Variants in RIMS2 observed in about 807,000 individuals in gnomAD.
RIMS2 encodes the protein regulating synaptic membrane exocytosis protein 2.
RIMS2 carries 59 observed loss-of-function variants against 174.4 expected under a neutral mutation model. That is an observed-to-expected ratio of 0.34 (90% CI 0.27 to 0.42). The LOEUF (loss-of-function observed/expected upper bound fraction) is 0.42, where lower values mean the gene tolerates loss of function less well. RIMS2 is among the 10% of genes least tolerant of loss of function. The probability of loss-of-function intolerance (pLI) is 1.00; values close to 1 mark genes in which losing one functional copy is unlikely to be tolerated. For missense variants in RIMS2, 1,620 were observed against 1,666.3 expected (o/e 0.97, Z 0.48); for synonymous variants, 606 against 572.5 (o/e 1.06, Z -0.84).
In RIMS2 at chr8:104,003,338, T is replaced by G. The variant is rs139825693; in HGVS notation, c.3045-10104T>G. On this transcript the variant is annotated intron_variant, in intron 17 of 23. Coordinates refer to ENST00000504942, the Ensembl canonical transcript of RIMS2. ...AGTAATAAATATCGTATTTTAGAAT[T>G]GTTGTAACATTATTGGCAAGGCAGG... Among the ~76,000 whole-genome samples the G allele has an allele frequency of 3.0e-3, 460 of 152,196 alleles. 2 individuals carry two copies. Among genetic ancestry groups the G allele is most frequent in the African/African-American group, 8.5e-3 (352 of 41,514 alleles).
intron 2 of RIMS2, among the ~76,000 whole-genome samples, chr8:103,732,477 G>T (rs773548755): frequency 6.6e-6 from 1 of 152,112 alleles, no homozygotes; most frequent in Non-Finnish European, 1.5e-5. Context: ...AAGGCTTAAG[G>T]GCTCTACAAT....
chr8:103,766,420 G>T (rs1480154262), exon 3 of RIMS2: 1 of 1,613,598 alleles, frequency 6.2e-7, no homozygotes, highest in Non-Finnish European at 8.5e-7. Flanking sequence ...GGACCCTCAG[G>T]TGACTTATCT....
intron 19 of RIMS2, among the ~76,000 whole-genome samples, chr8:104,156,520 T>C (rs368283574): frequency 6.6e-6 from 1 of 152,240 alleles, no homozygotes; most frequent in African/African-American, 2.4e-5. Context: ...GGCACTTTAC[T>C]TCAAATATGT....
chr8:103,621,231 A>T (rs994011222), intron 1 of RIMS2, among the ~76,000 whole-genome samples: 1 of 152,232 alleles, frequency 6.6e-6, no homozygotes, highest in Non-Finnish European at 1.5e-5. Flanking sequence ...TACACCCACC[A>T]GCAGTTTTGC....
chr8:103,811,428 TATTTTTATTTA>T (rs2098687066), intron 3 of RIMS2, among the ~76,000 whole-genome samples: 2 of 152,150 alleles, frequency 1.3e-5, no homozygotes, highest in Non-Finnish European at 2.9e-5. Context: ...TGCCAGCTTT[TATTTTTATTTA>T]ATTAAATTAA....
At chr8:103,532,328 C>T (rs960097155) in intron 1 of RIMS2, among the ~76,000 whole-genome samples, 2 of 152,100 alleles carry the variant, frequency 1.3e-5, no homozygotes, top group African/African-American at 2.4e-5. Context: ...TGGTTTTGGC[C>T]AGGAGTCAGC....
chr8:103,788,129 T>C (rs2098461438), intron 3 of RIMS2, among the ~76,000 whole-genome samples: 2 of 150,954 alleles, frequency 1.3e-5, no homozygotes, highest in South Asian at 4.2e-4. Flanking sequence ...CATCAGCCCC[T>C]TTAAGCACTT....
chr8:103,907,714 A>AT (rs1247785420), intron 4 of RIMS2, among the ~76,000 whole-genome samples: 3 of 150,732 alleles, frequency 2.0e-5, no homozygotes, highest in Admixed American at 1.3e-4. Flanking sequence ...AAAACTTTGA[A>AT]TTTTTTGTTT....
chr8:103,745,372 C>T (rs535264015), intron 2 of RIMS2, among the ~76,000 whole-genome samples: 126 of 151,880 alleles, frequency 8.3e-4, no homozygotes, highest in African/African-American at 2.7e-3. Flanking sequence ...ATTCATCAAT[C>T]GAAAGACACT....
intron 19 of RIMS2, among the ~76,000 whole-genome samples, chr8:104,099,901 C>T (rs1598819808): frequency 6.6e-6 from 1 of 151,836 alleles, no homozygotes; most frequent in East Asian, 1.9e-4. Flanking sequence ...ACTGCAGCCT[C>T]TGTCTCCCCA....
intron 3 of RIMS2, among the ~76,000 whole-genome samples, chr8:103,866,463 T>C (rs2099084927): frequency 1.3e-5 from 2 of 152,094 alleles, no homozygotes; most frequent in African/African-American, 2.4e-5. Context: ...GTATACAGAG[T>C]TGTGCTGTAT....
intron 19 of RIMS2, among the ~76,000 whole-genome samples, chr8:104,232,618 A>T (rs1022856387): frequency 6.6e-6 from 1 of 152,208 alleles, no homozygotes; most frequent in Non-Finnish European, 1.5e-5. Context: ...CTTGGCACAG[A>T]TATCACAGCT....
At chr8:104,211,102 T>C (rs2099103339) in intron 19 of RIMS2, among the ~76,000 whole-genome samples, 1 of 152,146 alleles carries the variant, frequency 6.6e-6, no homozygotes, top group African/African-American at 2.4e-5. Context: ...CTCAACAAGA[T>C]AACATGTTCT....
chr8:103,776,621 A>G (rs948036992), intron 3 of RIMS2, among the ~76,000 whole-genome samples: 7 of 152,104 alleles, frequency 4.6e-5, no homozygotes, highest in African/African-American at 1.4e-4. Flanking sequence ...AAAAATGAAA[A>G]TGCATTTTTA....
At chr8:103,590,123 G>T (rs568880161) in intron 1 of RIMS2, among the ~76,000 whole-genome samples, 1 of 151,456 alleles carries the variant, frequency 6.6e-6, no homozygotes. Context: ...GCTTGAGATG[G>T]TGGATACCAC....
chr8:103,578,454 C>G (rs999780614), intron 1 of RIMS2, among the ~76,000 whole-genome samples: 1 of 151,954 alleles, frequency 6.6e-6, no homozygotes, highest in Non-Finnish European at 1.5e-5. Context: ...TCATTTGAGC[C>G]TGGGAGTTGA....
At chr8:103,937,895 C>T (rs2154536236) in intron 13 of RIMS2, among the ~76,000 whole-genome samples, 1 of 152,260 alleles carries the variant, frequency 6.6e-6, no homozygotes, top group South Asian at 2.1e-4. Context: ...TGGAGTCTTG[C>T]TTTGTCACAG....
At chr8:103,691,648 A>G (rs2097026516) in intron 1 of RIMS2, among the ~76,000 whole-genome samples, 1 of 152,318 alleles carries the variant, frequency 6.6e-6, no homozygotes, top group Middle Eastern at 3.4e-3. Flanking sequence ...CCTCTGTCTT[A>G]AAAGACATAT....
chr8:103,592,041 C>A (rs913668453), intron 1 of RIMS2, among the ~76,000 whole-genome samples: 1 of 151,088 alleles, frequency 6.6e-6, no homozygotes, highest in Non-Finnish European at 1.5e-5. Flanking sequence ...ATACTATATA[C>A]CTCTTGATTT....
Sources: gnomAD v4.1 joint callset for allele counts (sites outside exome capture counted in the v4.1 genomes callset) on GRCh38, gnomAD v4.1.1 for gene constraint, MANE v1.5 for transcripts, NCBI Gene and HGNC (gene_info 2026-07-23, HGNC 2026-07-21) for gene names.